AMPD3: variants seen among roughly 807,000 people sequenced by gnomAD.
AMPD3 encodes adenosine monophosphate deaminase 3.
AMPD3 carries 57 observed loss-of-function variants against 82.3 expected under a neutral mutation model. The observed-to-expected ratio is 0.69, with a 90% confidence interval of 0.56 to 0.86. The LOEUF is 0.86. Ranked by LOEUF, AMPD3 falls within the 40% of genes least tolerant of loss-of-function variation. The pLI, the probability that AMPD3 is intolerant of heterozygous loss-of-function variation, is 0.00. For synonymous variants in AMPD3, 381 were observed against 394.7 expected (o/e 0.97, Z 0.41); for missense variants, 870 against 1,003.8 (o/e 0.87, Z 1.80).
chr11:10,502,984 G>A, intron 13 of AMPD3, 90 bp downstream of exon 13: 2 of 1,481,740 alleles, frequency 1.3e-6, no homozygotes, highest in South Asian at 1.2e-5. Context: ...CCATGGCTTA[G>A]TTCTGCTTTT....
At chr11:10,468,042 G>A (rs1351331428) in intron 2 of AMPD3, among the ~76,000 whole-genome samples, 2 of 152,140 alleles carry the variant, frequency 1.3e-5, no homozygotes, top group African/African-American at 2.4e-5. Context: ...GGGAGCAACC[G>A]GTACCAGCCA....
chr11:10,496,304 G>C, intron 9 of AMPD3: 1 of 985,414 alleles, frequency 1.0e-6, no homozygotes, highest in Non-Finnish European at 1.2e-6. Context: ...TGTGGGTTGA[G>C]GATGGATTGT....
upstream of AMPD3, among the ~76,000 whole-genome samples, chr11:10,451,348 C>A (rs898526317): frequency 6.6e-6 from 1 of 152,250 alleles, no homozygotes; most frequent in East Asian, 1.9e-4. Context: ...GGACTTGCCA[C>A]CCTGGGCAAA....
chr11:10,488,136 G>T, intron 6 of AMPD3: 3 of 866,434 alleles, frequency 3.5e-6, no homozygotes, highest in Non-Finnish European at 4.2e-6. Flanking sequence ...CAAGGGGATG[G>T]CAGCCTTGTC....
intron 3 of AMPD3, chr11:10,481,401 G>C: frequency 1.0e-6 from 1 of 983,028 alleles, no homozygotes; most frequent in Non-Finnish European, 1.2e-6. Context: ...CCATGGGCCT[G>C]GTACAAAAAC....
chr11:10,472,464 A>C (rs1848623063), intron 2 of AMPD3, among the ~76,000 whole-genome samples: 1 of 152,126 alleles, frequency 6.6e-6, no homozygotes, highest in South Asian at 2.1e-4. Context: ...AAAAATTAGG[A>C]TATAGAGGGA....
chr11:10,450,533 G>A, upstream of AMPD3: 3 of 986,104 alleles, frequency 3.0e-6, no homozygotes, highest in African/African-American at 1.7e-5. Context: ...CGGGCGGCAC[G>A]GGGAGCGGTG....
chr11:10,459,632 A>C (rs117302185), intron 1 of AMPD3, among the ~76,000 whole-genome samples: 2,843 of 152,276 alleles, frequency 0.019, 31 homozygotes, highest in Non-Finnish European at 0.028. Flanking sequence ...CTGTGGTCAT[A>C]GGTAGATGGG....
At chr11:10,502,137 C>T (rs755119911) in intron 12 of AMPD3, 51 of 985,338 alleles carry the variant, frequency 5.2e-5, no homozygotes, top group Non-Finnish European at 5.7e-5. Context: ...TATTTTGGAT[C>T]ACTTTCCATT....
In AMPD3 at chr11:10,502,045, ACCAGTCCACACTAGTTGGGCACAGAGT is replaced by A. The variant is rs1318347345; in HGVS notation, c.1842+459_1842+485del. 4.1e-6 allele frequency: 4 copies of A among 985,274 alleles called. No homozygotes were observed. The East Asian group carries it at 3.4e-4, about 84-fold the overall frequency. 61.0% of individuals were successfully genotyped at this position (985,274 alleles called of 1,614,324 possible). On this transcript the variant is annotated intron_variant, in intron 12 of 14. Transcript: ENST00000396553. ...TGCCACTTTGTCTGTAATTGACTCA[ACCAGTCCACACTAGTTGGGCACAGAGT>A]CCATCCACCTTTTCACTGGTGTACC...
At chr11:10,500,945 G>A (rs1425475040) in intron 11 of AMPD3, 2 of 985,254 alleles carry the variant, frequency 2.0e-6, no homozygotes, top group Non-Finnish European at 2.4e-6. Context: ...CTAGTTGGTG[G>A]GTGTGGAGGT....
chr11:10,477,865 T>G (rs1275733596), intron 2 of AMPD3: 1 of 985,194 alleles, frequency 1.0e-6, no homozygotes, highest in African/African-American at 1.7e-5. Context: ...GCAGATCTCC[T>G]TGGCACCCAG....
chr11:10,461,212 G>A, intron 1 of AMPD3: 3 of 1,268,212 alleles, frequency 2.4e-6, no homozygotes, highest in Non-Finnish European at 3.0e-6. Context: ...AGGAGGGCAG[G>A]GCTGCCAGGT....
Position 10,497,865 on chromosome 11 carries a change from T to TA in AMPD3, c.1557+928dup, listed in dbSNP as rs1849464638. ...CGTGATCTCACCTAAGCCTCACAATTACCCCGTTACTATCACCATTTTGTT... is the reference window on the plus strand; with the variant it reads ...CGTGATCTCACCTAAGCCTCACAATTAACCCCGTTACTATCACCATTTTGTT... On this transcript the variant is annotated intron_variant, in intron 10 of 14. Transcript: ENST00000396553. The TA allele has an allele frequency of 6.1e-6, 6 of 980,932 alleles. No homozygotes were observed. The South Asian group carries it at 1.9e-4, about 31-fold the overall frequency. 60.8% of individuals were successfully genotyped at this position (980,932 alleles called of 1,614,324 possible). A position where few individuals can be genotyped will look rare whatever the true frequency, so the allele number is the denominator to read the frequency against.
At chr11:10,451,883 G>A (rs557288209), upstream of AMPD3, among the ~76,000 whole-genome samples, 4 of 152,316 alleles carry the variant, frequency 2.6e-5, no homozygotes, top group South Asian at 4.2e-4. Context: ...CACTAAGGCC[G>A]AGTGTTAGTG....
At chr11:10,502,411 G>A (rs1849604985) in intron 12 of AMPD3, 1 of 985,364 alleles carries the variant, frequency 1.0e-6, no homozygotes, top group African/African-American at 1.7e-5. Flanking sequence ...AGCTGAAGGT[G>A]TAGGCTGGAG....
rs1221554350 is a variant in AMPD3 at position 10,495,002 on chromosome 11, G to A, written c.1238G>A (p.Gly413Glu). 2.5e-6 allele frequency: 4 copies of A among 1,614,094 alleles called. No individual in the cohort carries two copies. In the African/African-American group the frequency reaches 4.0e-5, roughly 16 times the overall value. Residue 413 changes from glycine to glutamate, a missense_variant, in exon 8 of 15, where the codon GGA becomes GAA. Transcript: ENST00000396553. ...DLYLKTENYL[G>E]GEYFARMVKE... ...TATTTGAAAACTGAAAACTATCTGG[G>A]AGGAGAGTACTTTGCTCGGATGGTC...
chr11:10,493,182 G>A (rs1849288673), intron 6 of AMPD3, among the ~76,000 whole-genome samples, 167 bp from the exon 7 acceptor site: 1 of 152,200 alleles, frequency 6.6e-6, no homozygotes, highest in Non-Finnish European at 1.5e-5. Context: ...AGGGATACCA[G>A]TTCCGAAGTC....
At position 10,477,795 on chromosome 11, in the gene AMPD3, G is replaced by A. The variant is rs1373219518; in HGVS notation, c.222-731G>A. On this transcript the variant is annotated intron_variant, in intron 2 of 14. Transcript: ENST00000396553. ...GCAGCCACTGTGCCATGGGCCGTGT[G>A]ACTTTGTGCCAGCCCTTTCCCATCT... 4 of 851,694 alleles carry A rather than the reference G, an allele frequency of 4.7e-6. No homozygotes were observed. The African/African-American group carries it at 7.3e-5, about 16-fold the overall frequency. The allele number at this position is 851,694 out of a possible 1,614,324, so 52.8% of individuals were successfully genotyped here.
Sources: allele counts gnomAD v4.1 joint callset (sites outside exome capture counted in the v4.1 genomes callset), GRCh38; gene constraint gnomAD v4.1.1; transcripts MANE v1.5; gene names NCBI Gene and HGNC (gene_info 2026-07-23, HGNC 2026-07-21).